The following PTPRD variants were observed in gnomAD, a reference collection of about 807,000 sequenced individuals.
The protein encoded by PTPRD is receptor-type tyrosine-protein phosphatase delta.
In PTPRD, 34 loss-of-function variants were observed where a neutral mutation model predicts 214.5. The observed-to-expected ratio is 0.16, with a 90% CI of 0.12 to 0.21. The LOEUF (loss-of-function observed/expected upper bound fraction) is 0.21, where lower values mean the gene tolerates loss of function less well. PTPRD is among the 10% of genes least tolerant of loss of function. The pLI is 1.00. For synonymous variants in PTPRD, 1,128 were observed against 845.7 expected, an observed-to-expected ratio of 1.33 and a Z score of -5.79; for missense variants, 2,545 against 2,398.7, an observed-to-expected ratio of 1.06 and a Z score of -1.27.
intron 2 of PTPRD, among the ~76,000 whole-genome samples, chr9:10,511,956 ATATATATATACGTGTGTGTG>A (rs772943335): frequency 0.21 from 16,584 of 80,110 alleles, 1,755 homozygotes; most frequent in Admixed American, 0.32. Flanking sequence ...ACGTGTGTGT[ATATATATATACGTGTGTGTG>A]TATATATATA....
At chr9:9,437,418 C>CAA (rs2085729124) in intron 8 of PTPRD, among the ~76,000 whole-genome samples, 1 of 139,630 alleles carries the variant, frequency 7.2e-6, no homozygotes, top group Non-Finnish European at 1.5e-5. Context: ...CACAATGATG[C>CAA]CCCCTGAGAG....
At chr9:9,078,166 TG>T (rs1436839412) in intron 10 of PTPRD, among the ~76,000 whole-genome samples, 1 of 152,070 alleles carries the variant, frequency 6.6e-6, no homozygotes, top group East Asian at 1.9e-4. Context: ...AATGAATAAA[TG>T]TTTAATTAAA....
chr9:10,060,866 TTCTTTCC>T, intron 3 of PTPRD, among the ~76,000 whole-genome samples: 1 of 91,228 alleles, frequency 1.1e-5, no homozygotes, highest in Admixed American at 1.0e-4. Context: ...TCTTCCTTCC[TTCTTTCC>T]TTCCTTCCTT....
At chr9:8,527,186 AAC>A (rs2074397416) in intron 16 of PTPRD, among the ~76,000 whole-genome samples, 157 bp downstream of exon 16, 1 of 151,966 alleles carries the variant, frequency 6.6e-6, no homozygotes, top group Admixed American at 6.6e-5. Context: ...TTCTTACGAT[AAC>A]AGTTCTGTGG....
chr9:9,546,504 T>C (rs1015047506), intron 8 of PTPRD, among the ~76,000 whole-genome samples: 1 of 151,862 alleles, frequency 6.6e-6, no homozygotes, highest in African/African-American at 2.4e-5. Context: ...AGAATCTTTG[T>C]TCTTTTCTAT....
Position 9,546,087 on chromosome 9 carries a change from T to C in PTPRD, c.-237+28645A>G, listed in dbSNP as rs570269463. Among the ~76,000 whole-genome samples, 5 of 151,952 alleles carry C rather than the reference T, an allele frequency of 3.3e-5. No individual in the cohort carries two copies. In the South Asian group the frequency reaches 1.0e-3, roughly 31 times the overall value. On this transcript the variant is annotated intron_variant, in intron 8 of 45. Coordinates refer to ENST00000381196, the MANE Select transcript of PTPRD (RefSeq NM_002839.4). ...TGTTTTTAATCTCAATTTCCACTTG[T>C]TTATTTCTGGTATATAGAAATATAT...
chr9:9,000,286 A>T (rs1034227870), intron 11 of PTPRD, among the ~76,000 whole-genome samples: 3 of 152,042 alleles, frequency 2.0e-5, no homozygotes, highest in Non-Finnish European at 4.4e-5. Flanking sequence ...GTAATCTCCA[A>T]ATAGCAACAG....
chr9:9,231,454 TA>T (rs2133861348), intron 9 of PTPRD, among the ~76,000 whole-genome samples: 1 of 152,254 alleles, frequency 6.6e-6, no homozygotes, highest in East Asian at 1.9e-4. Context: ...ATGGAAGAAT[TA>T]AAGGGTTTAA....
At chr9:9,988,351 G>C (rs942039824) in intron 4 of PTPRD, among the ~76,000 whole-genome samples, 6 of 152,088 alleles carry the variant, frequency 3.9e-5, no homozygotes, top group Non-Finnish European at 8.8e-5. Flanking sequence ...GTTCAGACTT[G>C]AAAACTGTTT....
chr9:9,880,279 A>C (rs2068238467), intron 5 of PTPRD, among the ~76,000 whole-genome samples: 1 of 152,156 alleles, frequency 6.6e-6, no homozygotes, highest in Non-Finnish European at 1.5e-5. Context: ...GAGTCAATTA[A>C]ACCTCTTTTC....
rs775125806 is a variant in PTPRD, at chr9:8,338,876, C to G, written c.5379+46G>C. ...GAGAGAGAGAGAGAGGTATCTTAGA[C>G]TACTTTTCAGCTAATGGTTAAGAGT... On this transcript the variant is annotated intron_variant, in intron 43 of 45. Coordinates refer to ENST00000381196, the MANE Select transcript of PTPRD (RefSeq NM_002839.4). 5.8e-6 allele frequency: 6 copies of G among 1,032,334 alleles called. No homozygotes were observed. The African/African-American group carries it at 8.2e-5, about 14-fold the overall frequency. The allele number at this position is 1,032,334 out of a possible 1,614,324, so 63.9% of individuals were successfully genotyped here.
At chr9:9,978,662 A>G (rs185600701) in intron 4 of PTPRD, among the ~76,000 whole-genome samples, 625 of 152,260 alleles carry the variant, frequency 4.1e-3, no homozygotes, top group Middle Eastern at 0.014. Flanking sequence ...ATAGATGTAT[A>G]TAATATATGC....
intron 10 of PTPRD, among the ~76,000 whole-genome samples, chr9:9,066,535 C>G (rs752265726): frequency 7.0e-6 from 1 of 142,744 alleles, no homozygotes; most frequent in Non-Finnish European, 1.6e-5. Flanking sequence ...TGAATGTGAC[C>G]TCATATGACC....
intron 5 of PTPRD, among the ~76,000 whole-genome samples, chr9:9,853,110 G>T (rs370032172): frequency 6.6e-6 from 1 of 152,166 alleles, no homozygotes; most frequent in Admixed American, 6.5e-5. Context: ...TGACATAGAA[G>T]ACCTCTAGTC....
intron 11 of PTPRD, among the ~76,000 whole-genome samples, chr9:8,948,294 C>T (rs4478630): frequency 5.5e-5 from 8 of 144,374 alleles, no homozygotes; most frequent in Non-Finnish European, 8.9e-5. Flanking sequence ...CTGGGATTAC[C>T]GGCGTGAGCC....
chr9:10,358,025 C>T lies in PTPRD; in HGVS notation c.-599-17008G>A, dbSNP rs1370969140. Among the ~76,000 whole-genome samples the T allele has an allele frequency of 2.0e-5, 3 of 152,226 alleles. No homozygotes were observed. The East Asian group carries it at 5.8e-4, about 29-fold the overall frequency. On this transcript the variant is annotated intron_variant, in intron 2 of 45. Coordinates refer to ENST00000381196, the MANE Select transcript of PTPRD (RefSeq NM_002839.4). ...ATAGTCAAAAGCACTAACTACTGTG[C>T]TCAATACTTGGATGAGACAACCTCA...
At chr9:8,732,121 T>A (rs1238516595) in intron 12 of PTPRD, among the ~76,000 whole-genome samples, 1 of 152,242 alleles carries the variant, frequency 6.6e-6, no homozygotes, top group Non-Finnish European at 1.5e-5. Context: ...ACCAGTAAGA[T>A]GACGGTTATC....
At chr9:9,709,647 A>T (rs531559334) in intron 7 of PTPRD, among the ~76,000 whole-genome samples, 12 of 152,156 alleles carry the variant, frequency 7.9e-5, no homozygotes, top group Non-Finnish European at 1.5e-4. Flanking sequence ...TAAAAGAGAA[A>T]GATAGTATTT....
At chr9:10,169,225 A>G (rs59004140) in intron 3 of PTPRD, among the ~76,000 whole-genome samples, 3,447 of 152,216 alleles carry the variant, frequency 0.023, 82 homozygotes, top group African/African-American at 0.06. Context: ...CTGTAATCCC[A>G]GCACTTTGGG....
Sources: allele counts gnomAD v4.1 joint callset (sites outside exome capture counted in the v4.1 genomes callset), GRCh38; gene constraint gnomAD v4.1.1; transcripts MANE v1.5; gene names NCBI Gene and HGNC (gene_info 2026-07-23, HGNC 2026-07-21).